FBXL13: variants seen among roughly 807,000 people sequenced by gnomAD.
FBXL13 encodes F-box and leucine rich repeat protein 13.
FBXL13 carries 67 observed loss-of-function variants against 83.6 expected under a neutral mutation model. The observed-to-expected ratio is 0.80, with a 90% CI of 0.66 to 0.98. The LOEUF is 0.98. FBXL13 is among the 50% of genes least tolerant of loss of function. The pLI, the probability that FBXL13 is intolerant of heterozygous loss-of-function variation, is 0.00. For missense variants in FBXL13, 822 were observed against 866.5 expected, an observed-to-expected ratio of 0.95 and a Z score of 0.64; for synonymous variants, 272 against 299.5, an observed-to-expected ratio of 0.91 and a Z score of 0.95.
chr7:103,050,803 C>T (rs576708234), intron 2 of FBXL13, among the ~76,000 whole-genome samples: 2 of 152,324 alleles, frequency 1.3e-5, no homozygotes, highest in Admixed American at 1.3e-4. Context: ...AAAAAGCTTC[C>T]CATGTCCCAT....
intron 10 of FBXL13, among the ~76,000 whole-genome samples, chr7:102,914,840 T>G (rs560410443): frequency 6.6e-6 from 1 of 152,298 alleles, no homozygotes; most frequent in South Asian, 2.1e-4. Flanking sequence ...GTGCTAAAGT[T>G]TTGGAAATGC....
At chr7:102,987,005 A>G (rs562470031) in intron 6 of FBXL13, among the ~76,000 whole-genome samples, 5 of 152,204 alleles carry the variant, frequency 3.3e-5, no homozygotes, top group African/African-American at 2.4e-5. Context: ...TTTTGCAGCA[A>G]TTTGGATGGA....
chr7:102,912,681 C>CA (rs201576260), intron 11 of FBXL13, among the ~76,000 whole-genome samples: 3,858 of 140,844 alleles, frequency 0.027, 201 homozygotes, highest in Non-Finnish European at 0.036. Flanking sequence ...ACCCCCCCCC[C>CA]CCCAAAAAAA....
chr7:102,900,423 A>G (rs1020380106), intron 11 of FBXL13, among the ~76,000 whole-genome samples: 7 of 152,206 alleles, frequency 4.6e-5, no homozygotes, highest in African/African-American at 1.7e-4. Context: ...TCTTGGTCAC[A>G]TATATTAACA....
At chr7:102,872,530 G>A (rs1475043000) in intron 16 of FBXL13, among the ~76,000 whole-genome samples, 3 of 152,176 alleles carry the variant, frequency 2.0e-5, no homozygotes, top group East Asian at 3.8e-4. Context: ...GGACACTGCC[G>A]TGACTCACTT....
chr7:103,047,973 G>C (rs1039001149), intron 2 of FBXL13, among the ~76,000 whole-genome samples: 1 of 152,190 alleles, frequency 6.6e-6, no homozygotes, highest in African/African-American at 2.4e-5. Flanking sequence ...TGGGATTACA[G>C]GCATGAGCCA....
chr7:102,827,069 C>G (rs535159565), intron 18 of FBXL13: 111 of 433,970 alleles, frequency 2.6e-4, no homozygotes, highest in Non-Finnish European at 4.6e-4. Flanking sequence ...CTAAACTAAC[C>G]TTGTGACTTG....
chr7:102,903,939 C>CTTTTTTTTTTTTTT (rs1166655004), intron 11 of FBXL13, among the ~76,000 whole-genome samples: 11 of 43,458 alleles, frequency 2.5e-4, no homozygotes, highest in Non-Finnish European at 3.8e-4. Context: ...CTTTTCTTTT[C>CTTTTTTTTTTTTTT]TTTTTTTTTT....
At chr7:103,051,541 T>C (rs866781738) in intron 2 of FBXL13, among the ~76,000 whole-genome samples, 14 of 152,208 alleles carry the variant, frequency 9.2e-5, no homozygotes, top group Non-Finnish European at 1.5e-4. Context: ...GTACCTTGTT[T>C]GTTCAGTTCA....
intron 1 of FBXL13, among the ~76,000 whole-genome samples, chr7:103,061,639 C>T (rs905546124): frequency 1.3e-5 from 2 of 151,974 alleles, no homozygotes; most frequent in Admixed American, 1.3e-4. Context: ...AGCAATTAGT[C>T]TCTTAAAAAA....
intron 19 of FBXL13, among the ~76,000 whole-genome samples, chr7:102,813,856 T>C (rs7779121): frequency 0.13 from 19,185 of 152,092 alleles, 1,425 homozygotes; most frequent in East Asian, 0.31. Context: ...GTATTTCTAG[T>C]TTCTCTGATG....
chr7:102,869,944 A>C (rs1808305013), intron 16 of FBXL13, among the ~76,000 whole-genome samples: 1 of 152,206 alleles, frequency 6.6e-6, no homozygotes, highest in South Asian at 2.1e-4. Flanking sequence ...GCAGATGGGC[A>C]GTTATAAGAG....
chr7:102,974,178 CAGG>C (rs1236749577), intron 6 of FBXL13, among the ~76,000 whole-genome samples: 2 of 152,148 alleles, frequency 1.3e-5, no homozygotes, highest in East Asian at 3.8e-4. Flanking sequence ...ATCACCAGGT[CAGG>C]AGGTCAAGAC....
At chr7:102,826,745 A>ATG (rs1799738374) in intron 18 of FBXL13, among the ~76,000 whole-genome samples, 1 of 68,860 alleles carries the variant, frequency 1.5e-5, no homozygotes. Flanking sequence ...ATATATATAT[A>ATG]TATATATATA....
At chr7:102,987,877 G>GTAGATGC in intron 6 of FBXL13, among the ~76,000 whole-genome samples, 1 of 152,258 alleles carries the variant, frequency 6.6e-6, no homozygotes, top group African/African-American at 2.4e-5. Flanking sequence ...ACGCTAGGGG[G>GTAGATGC]TAGATGCTAT....
intron 2 of FBXL13, among the ~76,000 whole-genome samples, chr7:103,052,387 C>T (rs1477488409): frequency 2.6e-5 from 4 of 151,936 alleles, no homozygotes; most frequent in African/African-American, 9.7e-5. Flanking sequence ...CTGTGCCTGG[C>T]TTTAGTGTAT....
At chr7:103,074,377 C>T in exon 1 of FBXL13, 1 of 1,068,322 alleles carries the variant, frequency 9.4e-7, no homozygotes, top group Non-Finnish European at 1.1e-6. Flanking sequence ...CTCCTCCACT[C>T]CTCAGGTACT....
intron 18 of FBXL13, among the ~76,000 whole-genome samples, chr7:102,831,431 A>ACACACACACACCCCC (rs1033135095): frequency 3.4e-5 from 5 of 147,126 alleles, no homozygotes; most frequent in African/African-American, 1.2e-4. Context: ...ACACACACAC[A>ACACACACACACCCCC]CCCCACTACA....
intron 8 of FBXL13, among the ~76,000 whole-genome samples, chr7:102,954,145 C>T (rs1455451951): frequency 6.6e-6 from 1 of 152,152 alleles, no homozygotes; most frequent in Non-Finnish European, 1.5e-5. Flanking sequence ...ACCCAGGAAG[C>T]ACAAGGGGTC....
Sources: gnomAD v4.1 joint callset for allele counts (sites outside exome capture counted in the v4.1 genomes callset) on GRCh38, gnomAD v4.1.1 for gene constraint, MANE v1.5 for transcripts, NCBI Gene and HGNC (gene_info 2026-07-23, HGNC 2026-07-21) for gene names.